QTMAN: variants seen among roughly 807,000 people sequenced by gnomAD.
QTMAN encodes the protein queuosine-tRNA mannosyltransferase, also known as tRNA-queuosine alpha-mannosyltransferase.
At chr2:144,306,849 A>G in the QTMAN span, among the ~76,000 whole-genome samples, 1 of 152,184 alleles carries the variant, frequency 6.6e-6, no homozygotes, top group East Asian at 1.9e-4. Flanking sequence ...TCAATTCACC[A>G]TATTAACAAG....
the QTMAN span, among the ~76,000 whole-genome samples, chr2:144,237,858 G>T: frequency 6.6e-6 from 1 of 152,138 alleles, no homozygotes; most frequent in Non-Finnish European, 1.5e-5. Flanking sequence ...ATCTTCCTGG[G>T]GGAAGCCAGC....
chr2:144,305,279 T>C, the QTMAN span, among the ~76,000 whole-genome samples: 30 of 152,338 alleles, frequency 2.0e-4, 1 homozygote, highest in Admixed American at 1.7e-3. Context: ...TATTTTAATA[T>C]ATAGTACATG....
chr2:143,990,198 T>A, the QTMAN span, among the ~76,000 whole-genome samples: 1 of 152,094 alleles, frequency 6.6e-6, no homozygotes, highest in Non-Finnish European at 1.5e-5. Flanking sequence ...ACAGTAGAGT[T>A]GTTCAGGATG....
chr2:144,035,197 C>T, the QTMAN span, among the ~76,000 whole-genome samples: 1 of 152,268 alleles, frequency 6.6e-6, no homozygotes, highest in African/African-American at 2.4e-5. Flanking sequence ...CTTCCTGCTT[C>T]AGTCATGTAG....
At chr2:144,310,507 T>C in the QTMAN span, among the ~76,000 whole-genome samples, 345 of 152,294 alleles carry the variant, frequency 2.3e-3, no homozygotes, top group African/African-American at 7.6e-3. Context: ...GAGACCAGAC[T>C]GATGTGCTGG....
At chr2:144,042,781 A>C in the QTMAN span, among the ~76,000 whole-genome samples, 1 of 151,738 alleles carries the variant, frequency 6.6e-6, no homozygotes, top group Non-Finnish European at 1.5e-5. Flanking sequence ...AAAAAAAAAA[A>C]AGATAATACA....
chr2:144,001,015 T>C, the QTMAN span, among the ~76,000 whole-genome samples: 2 of 151,958 alleles, frequency 1.3e-5, no homozygotes, highest in Non-Finnish European at 2.9e-5. Flanking sequence ...CAGTAAAGGC[T>C]GAAAGATTTA....
the QTMAN span, among the ~76,000 whole-genome samples, chr2:144,222,912 G>A: frequency 6.6e-6 from 1 of 152,192 alleles, no homozygotes; most frequent in East Asian, 1.9e-4. Context: ...AACTAAAAGA[G>A]AGAGAGATTT....
chr2:144,147,104 C>G, the QTMAN span, among the ~76,000 whole-genome samples: 1 of 151,760 alleles, frequency 6.6e-6, no homozygotes, highest in African/African-American at 2.4e-5. Context: ...GCCGCACTAG[C>G]CTTTCACATA....
chr2:144,258,235 A>G, the QTMAN span, among the ~76,000 whole-genome samples: 1 of 151,866 alleles, frequency 6.6e-6, no homozygotes, highest in Non-Finnish European at 1.5e-5. Context: ...AAAAAAACAA[A>G]AACAAAAAAC....
chr2:144,131,251 A>G, the QTMAN span, among the ~76,000 whole-genome samples: 1 of 151,816 alleles, frequency 6.6e-6, no homozygotes, highest in African/African-American at 2.4e-5. Flanking sequence ...TTATATCAGC[A>G]AATCTGTTTC....
chr2:144,126,309 GAAAC>G, the QTMAN span, among the ~76,000 whole-genome samples: 83 of 151,274 alleles, frequency 5.5e-4, 1 homozygote, highest in East Asian at 1.2e-3. Context: ...ATAACAACAA[GAAAC>G]AAACAAACAA....
chr2:144,106,312 A>T, the QTMAN span, among the ~76,000 whole-genome samples: 1 of 152,220 alleles, frequency 6.6e-6, no homozygotes, highest in East Asian at 1.9e-4. Flanking sequence ...CAGACTGGCA[A>T]ATCGGACAAA....
At chr2:143,972,262 C>T in the QTMAN span, among the ~76,000 whole-genome samples, 1 of 152,088 alleles carries the variant, frequency 6.6e-6, no homozygotes, top group Non-Finnish European at 1.5e-5. Context: ...ATACAATGTT[C>T]TTTTAGTCTG....
At chr2:144,279,236 T>G in the QTMAN span, among the ~76,000 whole-genome samples, 506 of 152,218 alleles carry the variant, frequency 3.3e-3, 1 homozygote, top group Middle Eastern at 0.02. Flanking sequence ...AAAGCTTATA[T>G]AACTTCAGCA....
At chr2:144,260,480 A>T in the QTMAN span, among the ~76,000 whole-genome samples, 1 of 152,110 alleles carries the variant, frequency 6.6e-6, no homozygotes, top group Non-Finnish European at 1.5e-5. Flanking sequence ...TAATCATTTA[A>T]TGCAAATCTT....
At chr2:144,055,318 C>G in the QTMAN span, among the ~76,000 whole-genome samples, 4 of 148,156 alleles carry the variant, frequency 2.7e-5, no homozygotes, top group South Asian at 2.1e-4. Context: ...GGAACACACA[C>G]ACACACAGAC....
chr2:144,236,049 T>G, the QTMAN span, among the ~76,000 whole-genome samples: 4 of 152,018 alleles, frequency 2.6e-5, no homozygotes, highest in Admixed American at 2.0e-4. Context: ...CAGGAATCTA[T>G]GCACTCCTGA....
chr2:144,135,549 T>C, the QTMAN span, among the ~76,000 whole-genome samples: 16 of 152,212 alleles, frequency 1.1e-4, no homozygotes, highest in Non-Finnish European at 2.2e-4. Flanking sequence ...TTCTCATTCC[T>C]GTTGATGTAT....
Sources: gnomAD v4.1 joint callset for allele counts (sites outside exome capture counted in the v4.1 genomes callset) on GRCh38, gnomAD v4.1.1 for gene constraint, MANE v1.5 for transcripts, NCBI Gene and HGNC (gene_info 2026-07-23, HGNC 2026-07-21) for gene names.